The following MOV10 variants were observed in gnomAD, a reference collection of about 807,000 sequenced individuals.
The protein encoded by MOV10 is Mov10 RNA helicase, also known as RNA helicase MOV-10.
MOV10 carries 39 observed loss-of-function variants against 108.4 expected under a neutral mutation model. That is an observed-to-expected ratio of 0.36 (90% confidence interval 0.28 to 0.47). MOV10 has a LOEUF of 0.47. Ranked by LOEUF, MOV10 falls within the 20% of genes least tolerant of loss-of-function variation. The probability of loss-of-function intolerance (pLI) is 1.00; values close to 1 mark genes in which losing one functional copy is unlikely to be tolerated. For synonymous variants in MOV10, 490 were observed against 523.1 expected, an observed-to-expected ratio of 0.94 and a Z score of 0.86; for missense variants, 952 against 1,297.6, an observed-to-expected ratio of 0.73 and a Z score of 4.09.
At chr1:112,689,192 A>T in intron 3 of MOV10, 54 bp downstream of exon 3, 5 of 1,517,324 alleles carry the variant, frequency 3.3e-6, no homozygotes, top group Non-Finnish European at 4.5e-6. Flanking sequence ...GTGTGAGGGA[A>T]GGGGGCTATC....
chr1:112,675,158 C>G lies in MOV10; in HGVS notation c.137+109C>G. The G allele has an allele frequency of 2.2e-6, 3 of 1,357,086 alleles. No homozygotes were observed. Among genetic ancestry groups the G allele is most frequent in the Non-Finnish European group, 3.0e-6 (3 of 1,003,172 alleles). The allele number at this position is 1,357,086 out of a possible 1,614,324, so 84.1% of individuals were successfully genotyped here. On this transcript the variant is annotated intron_variant, in intron 2 of 20. Coordinates refer to ENST00000369645, the MANE Select transcript of MOV10 (RefSeq NM_001321324.2). The surrounding 1 kb of genome is among the most constrained non-coding windows in gnomAD (Gnocchi z 4.7). The stretch of plus-strand genomic sequence containing the variant: ...CGGGGCGCAGAGGGACGCAGCTCCC[C>G]CAGCGGCTCAGGCCAGTCCCGGGGC...
At chr1:112,693,098 A>G (rs572834599) in intron 7 of MOV10, among the ~76,000 whole-genome samples, 169 bp downstream of exon 7, 101 of 152,354 alleles carry the variant, frequency 6.6e-4, no homozygotes, top group African/African-American at 1.9e-3. Context: ...GTGTTGGAGC[A>G]GGGAAATGGG....
chr1:112,698,507 G>A, intron 16 of MOV10, 29 bp downstream of exon 16: 2 of 1,606,184 alleles, frequency 1.2e-6, no homozygotes, highest in Non-Finnish European at 1.7e-6. Flanking sequence ...AGCAAGGGTG[G>A]GGCCCCTCCC....
intron 14 of MOV10, among the ~76,000 whole-genome samples, chr1:112,697,677 C>T (rs1570808815): frequency 1.3e-5 from 2 of 152,264 alleles, no homozygotes; most frequent in Admixed American, 6.5e-5. Context: ...CATCAAATAA[C>T]GTGATAGTCA....
chr1:112,683,620 T>C (rs1351011604), intron 2 of MOV10, among the ~76,000 whole-genome samples: 1 of 152,212 alleles, frequency 6.6e-6, no homozygotes, highest in South Asian at 2.1e-4. Context: ...ATTACAGGCA[T>C]GATCCGCTGT....
In MOV10 at chr1:112,694,625, C is replaced by A; in HGVS notation, c.1468C>A (p.Leu490Ile). Residue 490 changes from leucine to isoleucine, a missense_variant, in exon 9 of 21, where the codon CTC (leucine) becomes ATC (isoleucine). By Grantham distance (5) the Leu-to-Ile change is conservative. Transcript: ENST00000369645. This position sits in a 1 kb window ranked among gnomAD's most constrained non-coding sequence, Gnocchi z 4.1. ...CCCGCTGCTGCCCTCAGATGTGAAACTCAAGTGAGACTGTGGGCAGGGAGC... is the reference window on the plus strand; with the variant it reads ...CCCGCTGCTGCCCTCAGATGTGAAAATCAAGTGAGACTGTGGGCAGGGAGC... ...DVPLLPSDVK[L>I]KLYDRSLESN... The A allele has an allele frequency of 6.3e-7, 1 of 1,599,854 alleles. No homozygotes were observed. The highest frequency in any genetic ancestry group is 8.5e-7 in the Non-Finnish European group (1 of 1,171,668).
intron 2 of MOV10, among the ~76,000 whole-genome samples, chr1:112,681,234 G>C (rs1367569564): frequency 6.6e-6 from 1 of 151,950 alleles, no homozygotes; most frequent in Non-Finnish European, 1.5e-5. Flanking sequence ...GCTCAAACCT[G>C]TAATCCCAGC....
In MOV10 at chr1:112,696,030, A is replaced by G. The variant is rs994832600; in HGVS notation, c.1780-118A>G. ...GCACTCCAGCCTGGGGGACAGCGAG[A>G]CTCCGTCTCAATTAAAAAAAATAAA... On this transcript the variant is annotated intron_variant, in intron 11 of 20. Transcript: ENST00000369645. The G allele has an allele frequency of 9.5e-6, 7 of 738,322 alleles. No homozygotes were observed. The Admixed American group carries it at 1.6e-4, about 17-fold the overall frequency. The allele number at this position is 738,322 out of a possible 1,614,324, so 45.7% of individuals were successfully genotyped here.
chr1:112,698,205 C>CAG (rs1279679668), intron 15 of MOV10, 82 bp from the exon 16 acceptor site: 2 of 1,600,590 alleles, frequency 1.2e-6, no homozygotes, highest in Non-Finnish European at 1.7e-6. Context: ...CCTAGGATCT[C>CAG]TTACTCTCTG....
At chr1:112,681,753 A>G (rs1040455100) in intron 2 of MOV10, among the ~76,000 whole-genome samples, 1 of 151,638 alleles carries the variant, frequency 6.6e-6, no homozygotes, top group Non-Finnish European at 1.5e-5. Flanking sequence ...AGTCATCTTA[A>G]TTTTCCTGAT....
rs1469126113 is a variant in MOV10, at chr1:112,698,406, C to T, written c.2436C>T (p.Ala812=). 1.9e-6 allele frequency: 3 copies of T among 1,614,200 alleles called. No homozygotes were observed. Among genetic ancestry groups the T allele is most frequent in the Middle Eastern group, 1.6e-4 (1 of 6,062 alleles). ...CTTCCTACCTGAAGCTGCTCCTGGC[C>T]CCCTCCTCCAAGAAGGGCAAAGCTC... The part of the protein sequence containing the change: ...TVTSYLKLLL[A]PSSKKGKARL... Residue 812 remains alanine, a synonymous_variant, in exon 16 of 21, where the codon GCC becomes GCT. Transcript: ENST00000369645.
chr1:112,699,611 A>C lies in MOV10; in HGVS notation c.2584-74A>C, dbSNP rs1282424404. The stretch of plus-strand genomic sequence containing the variant: ...GTGACCTCTCTGTACCCTCCTTGGA[A>C]GGCAAGCTCCCTGGGGTAGGGCACC... On this transcript the variant is annotated intron_variant, in intron 17 of 20. Transcript: ENST00000369645. 3.1e-6 allele frequency: 5 copies of C among 1,599,042 alleles called. 1 individual carries two copies. Among genetic ancestry groups the C allele is most frequent in the Non-Finnish European group, 8.5e-7 (1 of 1,173,128 alleles).
chr1:112,689,081 T>A lies in MOV10; in HGVS notation c.284T>A (p.Leu95Gln), dbSNP rs771106179. ...TTCCCAGAAAAGAGGAGAATGAAGC[T>A]GGGGTCAGATATCAGCAAACACCAC... Reference protein sequence around the residue: ...VRFPEKRRMKLGSDISKHHKS... With the variant: ...VRFPEKRRMKQGSDISKHHKS... The change falls in exon 3 of 21, where the codon CTG (leucine) becomes CAG (glutamine). Residue 95 changes from leucine (L) to glutamine (Q), a missense_variant. This residue lies in a region of MOV10 where 374 missense variants were observed against 468.6 expected (regional missense o/e 0.80). Coordinates refer to ENST00000369645, the MANE Select transcript of MOV10 (RefSeq NM_001321324.2). The A allele has an allele frequency of 6.2e-7, 1 of 1,612,176 alleles. No homozygotes were observed. The highest frequency in any genetic ancestry group is 8.5e-7 in the Non-Finnish European group (1 of 1,179,972).
At chr1:112,683,932 A>C (rs528978128) in intron 2 of MOV10, among the ~76,000 whole-genome samples, 1 of 151,850 alleles carries the variant, frequency 6.6e-6, no homozygotes, top group Admixed American at 6.6e-5. Context: ...GTTTTGTTTT[A>C]TCTTTTAAAT....
intron 12 of MOV10, 47 bp downstream of exon 12, chr1:112,696,298 A>C: frequency 6.7e-7 from 1 of 1,486,426 alleles, no homozygotes; most frequent in Non-Finnish European, 9.4e-7. Flanking sequence ...GTGTAATTAA[A>C]GGGGTACCGG....
intron 2 of MOV10, chr1:112,687,091 C>G: frequency 2.2e-6 from 1 of 452,780 alleles, no homozygotes; most frequent in Non-Finnish European, 4.5e-6. Context: ...AGTGTAGCCT[C>G]TGACGTGGGC....
rs549838098 is a variant in MOV10 at position 112,689,903 on chromosome 1, T to G, written c.641T>G (p.Val214Gly). ...TTTGTGGGCTACTTCCCAGCCACAG[T>G]GCTCTGGGAGCTGCTGGGACCTGGG... is the stretch of plus-strand genomic sequence containing the variant. ...TSFVGYFPAT[V>G]LWELLGPGES... Residue 214 changes from valine to glycine, a missense_variant, in exon 5 of 21, where the codon GTG (valine) becomes GGG (glycine). Transcript: ENST00000369645. 6.2e-7 allele frequency: 1 copy of G among 1,614,232 alleles called. No individual in the cohort carries two copies. The highest frequency in any genetic ancestry group is 2.2e-5 in the East Asian group (1 of 44,894).
chr1:112,695,354 C>T, intron 10 of MOV10, 62 bp from the exon 11 acceptor site: 1 of 1,566,188 alleles, frequency 6.4e-7, no homozygotes, highest in Admixed American at 1.7e-5. Flanking sequence ...TGCCCTGCCC[C>T]AGCCTGGGTA....
In MOV10 at chr1:112,698,432, G is replaced by A. The variant is rs747624544; in HGVS notation, c.2462G>A (p.Arg821His). 3.8e-5 allele frequency: 62 copies of A among 1,614,144 alleles called. No homozygotes were observed. The highest frequency in any genetic ancestry group is 3.3e-4 in the Middle Eastern group (2 of 6,062). The part of the protein sequence containing the change: ...LAPSSKKGKA[R>H]LSPRSVGVIS... ...CCCTCCTCCAAGAAGGGCAAAGCTC[G>A]CCTGAGCCCTCGAAGTGTGGGCGTC... The change falls in exon 16 of 21, where the codon CGC (arginine) becomes CAC (histidine). Residue 821 changes from arginine to histidine, a missense_variant. This residue lies in a region of MOV10 where 453 missense variants were observed against 611.5 expected (regional missense o/e 0.74). Transcript: ENST00000369645.
Sources: allele counts gnomAD v4.1 joint callset (sites outside exome capture counted in the v4.1 genomes callset), GRCh38; gene constraint gnomAD v4.1.1; regional missense constraint gnomAD v4.1.1; non-coding constraint Gnocchi (gnomAD v3.1); transcripts MANE v1.5; gene names NCBI Gene and HGNC (gene_info 2026-07-23, HGNC 2026-07-21).